The following PTGR1 variants were observed in gnomAD, a reference collection of about 807,000 sequenced individuals.
PTGR1 encodes the protein 15-oxoprostaglandin 13-reductase.
PTGR1 carries 23 observed loss-of-function variants against 37.7 expected under a neutral mutation model. The observed-to-expected ratio is 0.61, with a 90% CI of 0.44 to 0.86. The LOEUF (loss-of-function observed/expected upper bound fraction) is 0.86, where lower values mean the gene tolerates loss of function less well. Among genes scored for constraint, PTGR1 ranks in the 40% least tolerant of loss-of-function variants. The pLI is 0.00. For synonymous variants in PTGR1, 134 were observed against 140.0 expected (o/e 0.96, Z 0.30); for missense variants, 351 against 394.3 (o/e 0.89, Z 0.93).
intron 4 of PTGR1, 32 bp downstream of exon 4, chr9:111,592,894 T>C (rs1829661087): frequency 6.3e-7 from 1 of 1,595,406 alleles, no homozygotes; most frequent in African/African-American, 1.4e-5. Flanking sequence ...GAGACATATT[T>C]TCCAAGCACT....
At chr9:111,578,679 C>T in intron 7 of PTGR1, 117 bp downstream of exon 7, 1 of 858,732 alleles carries the variant, frequency 1.2e-6, no homozygotes, top group Non-Finnish European at 1.7e-6. Context: ...TCCTGCTGTG[C>T]ATCCCAGTTC....
At chr9:111,568,614 C>T (rs372415328) in intron 9 of PTGR1, among the ~76,000 whole-genome samples, 147 of 152,258 alleles carry the variant, frequency 9.7e-4, no homozygotes, top group African/African-American at 3.4e-3. Context: ...ACTCCCTGTT[C>T]GTACACCCCC....
chr9:111,574,932 C>T (rs1194295561), intron 7 of PTGR1, 90 bp from the exon 8 acceptor site: 4 of 1,000,370 alleles, frequency 4.0e-6, no homozygotes, highest in African/African-American at 1.6e-5. Context: ...TTTACAATAC[C>T]TGTTTTAGCA....
intron 6 of PTGR1, among the ~76,000 whole-genome samples, chr9:111,582,705 T>G (rs1829319507): frequency 6.6e-6 from 1 of 152,246 alleles, no homozygotes; most frequent in African/African-American, 2.4e-5. Context: ...ATTCTACAAC[T>G]TCTATGGTAG....
downstream of PTGR1, among the ~76,000 whole-genome samples, chr9:111,559,348 C>G (rs758710325): frequency 1.3e-5 from 2 of 152,092 alleles, no homozygotes; most frequent in Non-Finnish European, 2.9e-5. Flanking sequence ...ACTCCTCACA[C>G]CAGGCAGCCC....
rs758716175 is a variant in PTGR1, at chr9:111,570,038, A to C, written c.879+53T>G. ...GGTAGAACAAAAGCCTTGAGAGGCA[A>C]AGGGAGTGTGACCTAGTGTACAATT... On this transcript the variant is annotated intron_variant, in intron 9 of 9. Transcript: ENST00000407693. The C allele has an allele frequency of 3.1e-6, 5 of 1,609,034 alleles. No homozygotes were observed. In the East Asian group the frequency reaches 8.9e-5, roughly 29 times the overall value.
At chr9:111,578,051 T>C (rs904526700) in intron 7 of PTGR1, among the ~76,000 whole-genome samples, 2 of 152,050 alleles carry the variant, frequency 1.3e-5, no homozygotes. Context: ...TTTGCCAATA[T>C]AGTAAAAAAC....
At chr9:111,575,971 T>C (rs1829035350) in intron 7 of PTGR1, among the ~76,000 whole-genome samples, 1 of 151,742 alleles carries the variant, frequency 6.6e-6, no homozygotes, top group South Asian at 2.1e-4. Flanking sequence ...CTGGGCAACA[T>C]AGTGAGACTC....
chr9:111,589,264 C>A (rs555669432), intron 4 of PTGR1: 1 of 396,382 alleles, frequency 2.5e-6, no homozygotes, highest in African/African-American at 2.2e-5. Context: ...AGAAGCATAC[C>A]TTGTGTTTGG....
chr9:111,561,146 AGG>A (rs1482847388), downstream of PTGR1, among the ~76,000 whole-genome samples: 8 of 44,364 alleles, frequency 1.8e-4, no homozygotes, highest in South Asian at 6.3e-4. Flanking sequence ...GAGGAGAGAG[AGG>A]GAGAGAGAGA....
intron 8 of PTGR1, among the ~76,000 whole-genome samples, chr9:111,572,157 A>C (rs1305461971): frequency 6.6e-6 from 1 of 152,240 alleles, no homozygotes; most frequent in African/African-American, 2.4e-5. Context: ...TGAGGAAAGT[A>C]ACATTAGCAG....
chr9:111,586,207 G>A (rs1336859322), intron 4 of PTGR1, 42 bp from the exon 5 acceptor site: 9 of 1,589,518 alleles, frequency 5.7e-6, no homozygotes, highest in Non-Finnish European at 7.8e-6. Flanking sequence ...CATGTGACAT[G>A]TCTTCCCTTT....
At chr9:111,576,456 G>T in intron 7 of PTGR1, 1 of 1,613,474 alleles carries the variant, frequency 6.2e-7, no homozygotes, top group South Asian at 1.1e-5. Flanking sequence ...ACACAGAGAT[G>T]ACCAGAGGAT....
chr9:111,572,686 G>A (rs936469962), intron 8 of PTGR1, among the ~76,000 whole-genome samples: 9 of 149,322 alleles, frequency 6.0e-5, no homozygotes, highest in African/African-American at 2.2e-4. Flanking sequence ...GAGCCCAGAA[G>A]GTGGAGGCTG....
intron 8 of PTGR1, among the ~76,000 whole-genome samples, chr9:111,573,220 TCAGTTGGC>T (rs1444638580): frequency 6.6e-6 from 1 of 152,198 alleles, no homozygotes; most frequent in Non-Finnish European, 1.5e-5. Flanking sequence ...GCAGCTTTGC[TCAGTTGGC>T]AGGCAGACAA....
downstream of PTGR1, among the ~76,000 whole-genome samples, chr9:111,560,512 G>T (rs904337985): frequency 2.7e-5 from 4 of 149,550 alleles, no homozygotes; most frequent in African/African-American, 7.4e-5. Flanking sequence ...ATGGTGGCAG[G>T]CGCCTGTAAT....
intron 5 of PTGR1, among the ~76,000 whole-genome samples, chr9:111,585,121 T>C (rs10120479): frequency 0.082 from 12,495 of 152,040 alleles, 771 homozygotes; most frequent in African/African-American, 0.17. Context: ...TTGGGGCCCA[T>C]GAGAGGCTGG....
chr9:111,599,587 CAGG>C lies in PTGR1; in HGVS notation c.-11+13_-11+15del, dbSNP rs1038585216. The C allele has an allele frequency of 6.5e-6, 1 of 152,686 alleles. No homozygotes were observed. The highest frequency in any genetic ancestry group is 2.4e-5 in the African/African-American group (1 of 41,444). 9.5% of individuals were successfully genotyped at this position (152,686 alleles called of 1,614,324 possible). The stretch of plus-strand genomic sequence containing the variant: ...AGGGAGAAAAGGGAAGGAAAGAAAG[CAGG>C]AGGTCTACTTACAGGAGCCCGAAGG... On this transcript the variant is annotated intron_variant, in intron 1 of 9. Transcript: ENST00000407693.
intron 9 of PTGR1, among the ~76,000 whole-genome samples, chr9:111,565,111 C>T (rs1160915309): frequency 1.3e-5 from 2 of 151,570 alleles, no homozygotes; most frequent in African/African-American, 2.4e-5. Context: ...GCAACAAGAG[C>T]AAAACTCCAT....
Sources: gnomAD v4.1 joint callset for allele counts (sites outside exome capture counted in the v4.1 genomes callset) on GRCh38, gnomAD v4.1.1 for gene constraint, MANE v1.5 for transcripts, NCBI Gene and HGNC (gene_info 2026-07-23, HGNC 2026-07-21) for gene names.